Variants in RPRD1A observed in about 807,000 individuals in gnomAD.
RPRD1A encodes the protein regulation of nuclear pre-mRNA domain containing 1A.
RPRD1A carries 9 observed loss-of-function variants against 37.8 expected under a neutral mutation model. The observed-to-expected ratio is 0.24, with a 90% CI of 0.14 to 0.42. The LOEUF is 0.42. RPRD1A is among the 10% of genes least tolerant of loss of function. The pLI is 1.00. For missense variants in RPRD1A, 255 were observed against 371.0 expected (o/e 0.69, Z 2.57); for synonymous variants, 138 against 139.7 (o/e 0.99, Z 0.08).
chr18:35,991,119 A>T lies in RPRD1A; in HGVS notation c.*2032T>A, dbSNP rs1211529328. Reference sequence around the variant, plus strand: ...TTCAACAAACTTCTAAAAGATTTCAAATCTTCCCAGGAGTACATAGTTTAT... The same window carrying T: ...TTCAACAAACTTCTAAAAGATTTCATATCTTCCCAGGAGTACATAGTTTAT... On this transcript the variant is annotated 3_prime_UTR_variant, in exon 7 of 7. Transcript: ENST00000399022. 2.0e-5 allele frequency: 3 copies of T among 152,212 alleles called. No homozygotes were observed. Among genetic ancestry groups the T allele is most frequent in the Non-Finnish European group, 4.4e-5 (3 of 68,040 alleles). The allele number at this position is 152,212 out of a possible 1,614,324, so 9.4% of individuals were successfully genotyped here. A position where few individuals can be genotyped will look rare whatever the true frequency, so the allele number is the denominator to read the frequency against.
intron 6 of RPRD1A, among the ~76,000 whole-genome samples, chr18:36,009,275 C>A (rs576257709): frequency 1.3e-5 from 2 of 152,200 alleles, no homozygotes; most frequent in South Asian, 4.1e-4. Context: ...TCACTCCTGG[C>A]CCTCATCAGC....
chr18:36,047,207 C>CTAAA (rs1913022111), intron 1 of RPRD1A, among the ~76,000 whole-genome samples: 2 of 136,762 alleles, frequency 1.5e-5, no homozygotes, highest in South Asian at 2.2e-4. Flanking sequence ...GACCCTGTCT[C>CTAAA]GAAATAAATA....
intron 6 of RPRD1A, among the ~76,000 whole-genome samples, chr18:35,998,395 C>A (rs953684872): frequency 2.0e-5 from 3 of 152,110 alleles, no homozygotes; most frequent in Admixed American, 6.6e-5. Flanking sequence ...AATAAATGTT[C>A]TCAGGTGGCA....
In RPRD1A at chr18:35,990,144, G is replaced by A. The variant is rs1454283161; in HGVS notation, c.*3007C>T. ...TCTTAATAGAATACAAAGCAGTTTA[G>A]TAGCTTTATGTTATTTCAGATAATG... On this transcript the variant is annotated 3_prime_UTR_variant, in exon 7 of 7. Coordinates refer to ENST00000399022, the MANE Select transcript of RPRD1A (RefSeq NM_018170.5). 1 of 152,186 alleles carries A rather than the reference G, an allele frequency of 6.6e-6. No homozygotes were observed. Among genetic ancestry groups the A allele is most frequent in the Non-Finnish European group, 1.5e-5 (1 of 68,036 alleles). The allele number at this position is 152,186 out of a possible 1,614,324, so 9.4% of individuals were successfully genotyped here. A position where few individuals can be genotyped will look rare whatever the true frequency, so the allele number is the denominator to read the frequency against.
At chr18:36,032,801 G>A (rs767109133) in intron 2 of RPRD1A, among the ~76,000 whole-genome samples, 19 of 152,104 alleles carry the variant, frequency 1.2e-4, no homozygotes, top group Non-Finnish European at 1.8e-4. Context: ...GGACAAGTAC[G>A]GTGGGAAGCA....
chr18:36,061,023 G>A (rs2088898037), intron 1 of RPRD1A, among the ~76,000 whole-genome samples: 2 of 151,966 alleles, frequency 1.3e-5, no homozygotes, highest in Admixed American at 1.3e-4. Context: ...ACCATTTCCA[G>A]GTTTGGCTCT....
At chr18:36,057,356 C>T (rs1002543431) in intron 1 of RPRD1A, among the ~76,000 whole-genome samples, 2 of 152,018 alleles carry the variant, frequency 1.3e-5, no homozygotes, top group African/African-American at 4.8e-5. Context: ...GCCTGTAATC[C>T]CAGCACTTTG....
intron 1 of RPRD1A, among the ~76,000 whole-genome samples, chr18:36,056,266 C>T (rs1036894205): frequency 8.6e-5 from 13 of 151,756 alleles, no homozygotes; most frequent in African/African-American, 2.9e-4. Context: ...ACCCATATAA[C>T]ATTCTTTACA....
intron 1 of RPRD1A, among the ~76,000 whole-genome samples, chr18:36,065,622 A>T (rs776203093): frequency 5.9e-5 from 9 of 152,226 alleles, no homozygotes; most frequent in Non-Finnish European, 8.8e-5. Flanking sequence ...GTCAAAGGAT[A>T]TATTTAATAT....
intron 6 of RPRD1A, among the ~76,000 whole-genome samples, chr18:36,015,199 CACACAT>C (rs1276769810): frequency 4.8e-5 from 7 of 145,466 alleles, no homozygotes; most frequent in African/African-American, 1.1e-4. Flanking sequence ...CACACACACA[CACACAT>C]TCACATACTT....
chr18:36,041,798 G>C (rs1912600541), intron 1 of RPRD1A, among the ~76,000 whole-genome samples: 1 of 152,206 alleles, frequency 6.6e-6, no homozygotes, highest in African/African-American at 2.4e-5. Flanking sequence ...ATCAAGAGAT[G>C]ATTCTTCAAT....
intron 1 of RPRD1A, among the ~76,000 whole-genome samples, chr18:36,055,107 G>A (rs1164015095): frequency 1.3e-5 from 2 of 152,184 alleles, no homozygotes; most frequent in African/African-American, 2.4e-5. Context: ...AGTTGACACA[G>A]AAAATTAACC....
At chr18:36,032,692 G>A (rs1191989660) in intron 2 of RPRD1A, among the ~76,000 whole-genome samples, 2 of 152,166 alleles carry the variant, frequency 1.3e-5, no homozygotes, top group African/African-American at 4.8e-5. Context: ...TGAGATATGG[G>A]GACTGAAGGA....
At chr18:36,049,252 T>G (rs1913194305) in intron 1 of RPRD1A, among the ~76,000 whole-genome samples, 1 of 152,212 alleles carries the variant, frequency 6.6e-6, no homozygotes, top group East Asian at 1.9e-4. Flanking sequence ...AAAAATGTAC[T>G]CAAGGATCAA....
chr18:36,049,243 A>G (rs1250140029), intron 1 of RPRD1A, among the ~76,000 whole-genome samples: 2 of 152,232 alleles, frequency 1.3e-5, no homozygotes, highest in African/African-American at 4.8e-5. Context: ...CACACACACA[A>G]AAATGTACTC....
At chr18:36,019,364 C>T (rs1204140383) in intron 6 of RPRD1A, among the ~76,000 whole-genome samples, 1 of 152,090 alleles carries the variant, frequency 6.6e-6, no homozygotes, top group Non-Finnish European at 1.5e-5. Flanking sequence ...GCCTCAGCCT[C>T]CCAAAGTGCT....
At chr18:36,031,229 T>G (rs898204746) in intron 2 of RPRD1A, 132 bp from the exon 3 acceptor site, 3 of 1,124,848 alleles carry the variant, frequency 2.7e-6, no homozygotes, top group Non-Finnish European at 3.6e-6. Flanking sequence ...AATGTCTACT[T>G]AGCATCACTA....
chr18:36,004,313 G>C (rs1419463243), intron 6 of RPRD1A, among the ~76,000 whole-genome samples: 1 of 151,490 alleles, frequency 6.6e-6, no homozygotes, highest in African/African-American at 2.4e-5. Context: ...GAAATGCAGT[G>C]GTGCAGTATC....
At chr18:36,009,444 G>T (rs1314965962) in intron 6 of RPRD1A, among the ~76,000 whole-genome samples, 1 of 152,134 alleles carries the variant, frequency 6.6e-6, no homozygotes, top group Non-Finnish European at 1.5e-5. Flanking sequence ...GCTTCTAGGT[G>T]TCTCACTTCT....
Sources: gnomAD v4.1 joint callset for allele counts (sites outside exome capture counted in the v4.1 genomes callset) on GRCh38, gnomAD v4.1.1 for gene constraint, MANE v1.5 for transcripts, NCBI Gene and HGNC (gene_info 2026-07-23, HGNC 2026-07-21) for gene names.